ARHGEF6: variants seen among roughly 807,000 people sequenced by gnomAD.
ARHGEF6 encodes the protein rho guanine nucleotide exchange factor 6.
ARHGEF6 carries 9 observed loss-of-function variants against 70.3 expected under a neutral mutation model. The observed-to-expected ratio is 0.13, with a 90% CI of 0.08 to 0.22. ARHGEF6 has a LOEUF of 0.22. Ranked by LOEUF, ARHGEF6 falls within the 10% of genes least tolerant of loss-of-function variation. The probability of loss-of-function intolerance (pLI) is 1.00; values close to 1 mark genes in which losing one functional copy is unlikely to be tolerated. For synonymous variants in ARHGEF6, 201 were observed against 207.8 expected, an observed-to-expected ratio of 0.97 and a Z score of 0.28; for missense variants, 470 against 563.0, an observed-to-expected ratio of 0.83 and a Z score of 1.67.
At position 136,704,176 on chromosome X, in the gene ARHGEF6, C is replaced by T. The variant is rs143613726; in HGVS notation, c.1046+2732G>A. 1.8e-3 allele frequency among the ~76,000 whole-genome samples: 202 copies of T among 112,028 alleles called. 5 individuals are homozygous for T. The East Asian group carries it at 0.053, about 29-fold the overall frequency. ...AGCCAATAAGCAAGATGAAAAGATGCGCAACATCACTAGCCATTAATAATG... is the reference window on the plus strand; with the variant it reads ...AGCCAATAAGCAAGATGAAAAGATGTGCAACATCACTAGCCATTAATAATG... On this transcript the variant is annotated intron_variant, in intron 9 of 21. Transcript: ENST00000250617.
chrX:136,667,964 A>G lies in ARHGEF6; in HGVS notation c.*65T>C. ...GCCAAAGAAGTGAGCAAACTGAGTC[A>G]AATCATTCAGCGGGACATTTCAAGA... is the stretch of plus-strand genomic sequence containing the variant. On this transcript the variant is annotated 3_prime_UTR_variant, in exon 22 of 22. Coordinates refer to ENST00000250617, the MANE Select transcript of ARHGEF6 (RefSeq NM_004840.3). The G allele has an allele frequency of 8.4e-7, 1 of 1,190,312 alleles. No individual in the cohort carries two copies. Among genetic ancestry groups the G allele is most frequent in the Non-Finnish European group, 1.1e-6 (1 of 876,865 alleles).
chrX:136,740,805 G>GT (rs903969516), intron 5 of ARHGEF6, among the ~76,000 whole-genome samples: 38 of 111,789 alleles, frequency 3.4e-4, no homozygotes, highest in Admixed American at 3.8e-4. Flanking sequence ...GCTCCTTTTA[G>GT]TTTTGCAGAT....
At chrX:136,706,199 A>G (rs1569402002) in intron 9 of ARHGEF6, among the ~76,000 whole-genome samples, 1 of 111,905 alleles carries the variant, frequency 8.9e-6, no homozygotes, top group Non-Finnish European at 1.9e-5. Flanking sequence ...GAGAGGTGTA[A>G]CACTTATCTA....
chrX:136,682,008 A>G lies in ARHGEF6; in HGVS notation c.1480-40T>C, dbSNP rs2076337618. 7 of 1,074,650 alleles carry G rather than the reference A, an allele frequency of 6.5e-6. No homozygotes were observed. In the East Asian group the frequency reaches 2.1e-4, roughly 32 times the overall value. The allele number at this position is 1,074,650 out of a possible 1,213,427, so 88.6% of individuals were successfully genotyped here. A position where few individuals can be genotyped will look rare whatever the true frequency, so the allele number is the denominator to read the frequency against. On this transcript the variant is annotated intron_variant, in intron 13 of 21. Transcript: ENST00000250617. Reference sequence around the variant, plus strand: ...ACATTCTCATTAATTCTGCAGTTATACAGGTCTCTGTTTATTTCACTTAGA... The same window carrying G: ...ACATTCTCATTAATTCTGCAGTTATGCAGGTCTCTGTTTATTTCACTTAGA...
intron 9 of ARHGEF6, among the ~76,000 whole-genome samples, chrX:136,698,632 T>C (rs1460892747): frequency 8.9e-6 from 1 of 112,004 alleles, no homozygotes; most frequent in Non-Finnish European, 1.9e-5. Context: ...GAAACAGAAC[T>C]GCCAACCAAG....
Position 136,679,594 on chromosome X carries a change from A to C in ARHGEF6, c.1771T>G (p.Leu591Val), listed in dbSNP as rs1220265236. ...GGAGGTGCAGGTCGTAGACAACTTA[A>C]ACTCCACGGTTTTATAATTTGAGGA... ...EPPQIIKPWS[L>V]SCLRPAPPLR... The change falls in exon 16 of 22, where the codon TTA (leucine) becomes GTA (valine). Residue 591 changes from leucine to valine, a missense_variant. This residue lies in a region of ARHGEF6 where 379 missense variants were observed against 449.3 expected (regional missense o/e 0.84). Coordinates refer to ENST00000250617, the MANE Select transcript of ARHGEF6 (RefSeq NM_004840.3). 3 of 1,209,330 alleles carry C rather than the reference A, an allele frequency of 2.5e-6. No homozygotes were observed. The highest frequency in any genetic ancestry group is 3.5e-5 in the African/African-American group (2 of 57,115).
Position 136,779,395 on chromosome X carries a change from G to A in ARHGEF6, c.249+19C>T. Reference sequence around the variant, plus strand: ...CAAAAAAACGATGACAACAGGGAAGGCACCCGGGGTAGGCTTACTTCCACT... The same window carrying A: ...CAAAAAAACGATGACAACAGGGAAGACACCCGGGGTAGGCTTACTTCCACT... On this transcript the variant is annotated intron_variant, in intron 2 of 21. Transcript: ENST00000250617. 2.5e-6 allele frequency: 3 copies of A among 1,190,842 alleles called. No individual in the cohort carries two copies. The highest frequency in any genetic ancestry group is 2.2e-5 in the Admixed American group (1 of 45,955).
intron 2 of ARHGEF6, among the ~76,000 whole-genome samples, chrX:136,751,753 T>C (rs1345439064): frequency 3.6e-5 from 4 of 111,769 alleles, no homozygotes; most frequent in Non-Finnish European, 7.5e-5. Flanking sequence ...ATACTAAATA[T>C]GTCTTGATCT....
chrX:136,702,157 T>C lies in ARHGEF6; in HGVS notation c.1046+4751A>G, dbSNP rs974671369. 4.5e-5 allele frequency among the ~76,000 whole-genome samples: 5 copies of C among 112,114 alleles called. No homozygotes were observed. The South Asian group carries it at 1.8e-3, about 41-fold the overall frequency. On this transcript the variant is annotated intron_variant, in intron 9 of 21. Coordinates refer to ENST00000250617, the MANE Select transcript of ARHGEF6 (RefSeq NM_004840.3). ...GGGAGGAATTGAGAATATTCTGTTA[T>C]AAGTTACCTATGAAATTGTGTAGTG...
intron 2 of ARHGEF6, among the ~76,000 whole-genome samples, chrX:136,756,462 G>T (rs193145744): frequency 0.013 from 1,471 of 111,534 alleles, 17 homozygotes; most frequent in Middle Eastern, 0.023. Flanking sequence ...TCTGGAATTG[G>T]TTATATTTTC....
intron 9 of ARHGEF6, among the ~76,000 whole-genome samples, chrX:136,701,883 AT>A (rs754691711): frequency 9.2e-6 from 1 of 108,116 alleles, no homozygotes; most frequent in Admixed American, 9.9e-5. Flanking sequence ...AATTTTTTGT[AT>A]TTTTAGTAGA....
At chrX:136,714,535 G>A (rs1212923114) in intron 6 of ARHGEF6, among the ~76,000 whole-genome samples, 2 of 112,264 alleles carry the variant, frequency 1.8e-5, no homozygotes, top group African/African-American at 3.2e-5. Context: ...TGCCCACAGG[G>A]AGTTTATACT....
chrX:136,668,614 T>C (rs2076189137), intron 21 of ARHGEF6, among the ~76,000 whole-genome samples: 2 of 108,415 alleles, frequency 1.8e-5, no homozygotes, highest in Non-Finnish European at 3.8e-5. Context: ...AGTGTAATCA[T>C]GGCTCACTGC....
intron 2 of ARHGEF6, among the ~76,000 whole-genome samples, chrX:136,776,643 T>C (rs1191221130): frequency 1.8e-5 from 2 of 111,146 alleles, no homozygotes; most frequent in Non-Finnish European, 3.8e-5. Context: ...TTCTAGGTAT[T>C]GGCTTTGGCA....
intron 5 of ARHGEF6, among the ~76,000 whole-genome samples, chrX:136,738,050 A>G (rs1325880595): frequency 9.1e-6 from 1 of 109,350 alleles, no homozygotes; most frequent in Non-Finnish European, 1.9e-5. Flanking sequence ...GCCTATTCAC[A>G]GCTTACCTGT....
intron 2 of ARHGEF6, among the ~76,000 whole-genome samples, chrX:136,778,648 C>A (rs999554162): frequency 9.0e-6 from 1 of 110,549 alleles, no homozygotes; most frequent in Non-Finnish European, 1.9e-5. Context: ...AGCCACCACG[C>A]CTGCCTAATT....
intron 6 of ARHGEF6, among the ~76,000 whole-genome samples, chrX:136,722,390 T>C (rs886502483): frequency 1.8e-5 from 2 of 112,061 alleles, no homozygotes; most frequent in Non-Finnish European, 3.8e-5. Flanking sequence ...AGACAACTCA[T>C]AGAATGGAAG....
rs59532724 is a variant in ARHGEF6, at chrX:136,710,330, C to CATATATATATAT, written c.828-1572_828-1561dup. Among the ~76,000 whole-genome samples, 584 of 87,528 alleles carry CATATATATATAT rather than the reference C, an allele frequency of 6.7e-3. 9 individuals are homozygous for CATATATATATAT. The highest frequency in any genetic ancestry group is 0.03 in the East Asian group (76 of 2,538). 76.0% of individuals were successfully genotyped at this position (87,528 alleles called of 115,157 possible). Reference sequence around the variant, plus strand: ...TATAATATATATATTATATATTATACATATATATATATATATATATATAGA... The same window carrying CATATATATATAT: ...TATAATATATATATTATATATTATACATATATATATATATATATATATATATATATATATAGA... On this transcript the variant is annotated intron_variant, in intron 7 of 21. Transcript: ENST00000250617.
In ARHGEF6 at chrX:136,699,673, AG is replaced by A. The variant is rs776730849; in HGVS notation, c.1046+7234del. On this transcript the variant is annotated intron_variant, in intron 9 of 21. Transcript: ENST00000250617. Reference sequence around the variant, plus strand: ...GAAGCCACTGGACCCAGTAACTGGCAGGAACACTTGCATAGTGATTTTAATG... The same window carrying A: ...GAAGCCACTGGACCCAGTAACTGGCAGAACACTTGCATAGTGATTTTAATG... 9.0e-5 allele frequency among the ~76,000 whole-genome samples: 10 copies of A among 111,573 alleles called. No individual in the cohort carries two copies. The South Asian group carries it at 3.7e-3, about 42-fold the overall frequency.
Sources: allele counts gnomAD v4.1 joint callset (sites outside exome capture counted in the v4.1 genomes callset), GRCh38; gene constraint gnomAD v4.1.1; regional missense constraint gnomAD v4.1.1; transcripts MANE v1.5; gene names NCBI Gene and HGNC (gene_info 2026-07-23, HGNC 2026-07-21).